The following PARD3B variants were observed in gnomAD, a reference collection of about 807,000 sequenced individuals.
PARD3B encodes partitioning defective 3 homolog B.
A neutral mutation model predicts 130.2 loss-of-function variants in PARD3B; 103 were observed. The observed-to-expected ratio is 0.79, with a 90% CI of 0.67 to 0.93. The LOEUF is 0.93. Among genes scored for constraint, PARD3B ranks in the 40% least tolerant of loss-of-function variants. The pLI, the probability that PARD3B is intolerant of heterozygous loss-of-function variation, is 0.00. For missense variants in PARD3B, 1,609 were observed against 1,499.2 expected, an observed-to-expected ratio of 1.07 and a Z score of -1.21; for synonymous variants, 583 against 553.2, an observed-to-expected ratio of 1.05 and a Z score of -0.76.
Position 205,341,676 on chromosome 2 carries a change from G to C in PARD3B, c.2630+39975G>C, listed in dbSNP as rs547843025. Among the ~76,000 whole-genome samples, 1 of 151,958 alleles carries C rather than the reference G, an allele frequency of 6.6e-6. No individual in the cohort carries two copies. The highest frequency in any genetic ancestry group is 1.9e-4 in the East Asian group (1 of 5,176). On this transcript the variant is annotated intron_variant, in intron 18 of 22. Transcript: ENST00000406610. This position sits in a 1 kb window ranked among gnomAD's most constrained non-coding sequence, Gnocchi z 4.3. ...CCGACAGCACTGTTGGTTAAATGTG[G>C]TTAACTACAATTTATTGTATATTTT... is the stretch of plus-strand genomic sequence containing the variant.
intron 2 of PARD3B, among the ~76,000 whole-genome samples, chr2:204,914,131 A>G (rs1052347140): frequency 4.6e-5 from 7 of 152,292 alleles, no homozygotes; most frequent in Admixed American, 3.9e-4. Context: ...CACCATTTGC[A>G]GAGGGGAGGA....
At chr2:205,026,300 G>T (rs1206024369) in intron 3 of PARD3B, among the ~76,000 whole-genome samples, 1 of 152,184 alleles carries the variant, frequency 6.6e-6, no homozygotes, top group Non-Finnish European at 1.5e-5. Flanking sequence ...AGGAGGCCAG[G>T]GTGGCTGCAG....
At chr2:204,914,693 G>A (rs767035632) in intron 2 of PARD3B, among the ~76,000 whole-genome samples, 2 of 152,162 alleles carry the variant, frequency 1.3e-5, no homozygotes, top group East Asian at 1.9e-4. Context: ...ACATGTCCTG[G>A]TGGTGAAGAG....
chr2:204,670,026 G>C (rs1358158382), intron 1 of PARD3B, among the ~76,000 whole-genome samples: 1 of 152,092 alleles, frequency 6.6e-6, no homozygotes, highest in East Asian at 1.9e-4. Flanking sequence ...TGAACGGTTG[G>C]GACAGTCAGA....
intron 2 of PARD3B, among the ~76,000 whole-genome samples, chr2:204,703,105 C>T (rs1425528279): frequency 6.6e-6 from 1 of 152,062 alleles, no homozygotes; most frequent in African/African-American, 2.4e-5. Context: ...CCTATTATCC[C>T]CATTTTACAA....
intron 3 of PARD3B, among the ~76,000 whole-genome samples, chr2:205,026,874 T>C (rs1249352031): frequency 6.6e-6 from 1 of 152,224 alleles, no homozygotes; most frequent in East Asian, 1.9e-4. Context: ...TTCTTATGGC[T>C]GAACGATATT....
intron 2 of PARD3B, among the ~76,000 whole-genome samples, chr2:204,877,526 A>G (rs1209194472): frequency 6.6e-6 from 1 of 152,156 alleles, no homozygotes; most frequent in Admixed American, 6.5e-5. Context: ...GTTTTTGATA[A>G]CTATAAGGTC....
intron 2 of PARD3B, among the ~76,000 whole-genome samples, chr2:204,935,354 C>T (rs1259202700): frequency 2.8e-5 from 4 of 144,772 alleles, no homozygotes; most frequent in East Asian, 2.0e-4. Flanking sequence ...ACGGTGAAAC[C>T]CTGTCTCTAC....
At chr2:204,641,859 G>A (rs895038075) in intron 1 of PARD3B, among the ~76,000 whole-genome samples, 113 of 152,236 alleles carry the variant, frequency 7.4e-4, no homozygotes, top group Non-Finnish European at 2.8e-4. Flanking sequence ...CAAAACTGAT[G>A]TCTAATAAAA....
At chr2:204,640,519 G>T (rs1282261564) in intron 1 of PARD3B, among the ~76,000 whole-genome samples, 3 of 152,188 alleles carry the variant, frequency 2.0e-5, no homozygotes, top group Admixed American at 6.5e-5. Context: ...CAGCATTCTG[G>T]TAACTGTTCC....
Position 205,589,690 on chromosome 2 carries a change from T to C in PARD3B, c.3261-25766T>C, listed in dbSNP as rs190199035. Among the ~76,000 whole-genome samples the C allele has an allele frequency of 1.3e-5, 2 of 152,310 alleles. No homozygotes were observed. The highest frequency in any genetic ancestry group is 3.9e-4 in the East Asian group (2 of 5,176). On this transcript the variant is annotated intron_variant, in intron 22 of 22. Transcript: ENST00000406610. This position sits in a 1 kb window ranked among gnomAD's most constrained non-coding sequence, Gnocchi z 4.1. ...ATTGTTGTCTCTATTGGAGAATTGC[T>C]AGAGGACTCGAGTTAGGGATGATTC...
intron 16 of PARD3B, among the ~76,000 whole-genome samples, chr2:205,295,470 T>G (rs569372425): frequency 1.7e-4 from 26 of 152,324 alleles, no homozygotes; most frequent in African/African-American, 5.3e-4. Context: ...TTTCACTAAG[T>G]GCCGTGAGGG....
At chr2:205,032,098 A>T (rs180728659) in intron 3 of PARD3B, among the ~76,000 whole-genome samples, 1 of 152,328 alleles carries the variant, frequency 6.6e-6, no homozygotes, top group Non-Finnish European at 1.5e-5. Flanking sequence ...TCATAGAAAC[A>T]CAGTACAGTT....
chr2:204,986,444 T>C (rs552961242), intron 3 of PARD3B, among the ~76,000 whole-genome samples: 112 of 152,356 alleles, frequency 7.4e-4, no homozygotes, highest in South Asian at 1.0e-3. Context: ...ATCAGTACTT[T>C]ACCTAGTTTA....
intron 18 of PARD3B, among the ~76,000 whole-genome samples, chr2:205,360,054 T>A (rs1447112349): frequency 2.0e-5 from 3 of 152,230 alleles, no homozygotes; most frequent in Non-Finnish European, 4.4e-5. Context: ...TCCCAAGGTC[T>A]CCATCAATAC....
chr2:205,453,904 C>T (rs571051030), intron 20 of PARD3B, among the ~76,000 whole-genome samples: 2 of 152,190 alleles, frequency 1.3e-5, no homozygotes, highest in East Asian at 3.9e-4. Flanking sequence ...GAGTAGATTG[C>T]AGTCAAAAAT....
At chr2:205,497,882 AC>A (rs1390161716) in intron 20 of PARD3B, among the ~76,000 whole-genome samples, 2 of 151,950 alleles carry the variant, frequency 1.3e-5, no homozygotes, top group Non-Finnish European at 2.9e-5. Context: ...AATTCAAAAT[AC>A]CCCCAAACTA....
At chr2:205,459,193 T>A (rs937481452) in intron 20 of PARD3B, among the ~76,000 whole-genome samples, 1 of 152,184 alleles carries the variant, frequency 6.6e-6, no homozygotes. Context: ...CACAGAATAT[T>A]GGGCTCAGTT....
intron 10 of PARD3B, among the ~76,000 whole-genome samples, chr2:205,147,678 C>T (rs2033462743): frequency 6.6e-6 from 1 of 151,882 alleles, no homozygotes; most frequent in Admixed American, 6.6e-5. Flanking sequence ...TATCTGTCGT[C>T]GAAAATTATT....
Sources: allele counts gnomAD v4.1 joint callset (sites outside exome capture counted in the v4.1 genomes callset), GRCh38; gene constraint gnomAD v4.1.1; non-coding constraint Gnocchi (gnomAD v3.1); transcripts MANE v1.5; gene names NCBI Gene and HGNC (gene_info 2026-07-23, HGNC 2026-07-21).